DNAH12: variants seen among roughly 807,000 people sequenced by gnomAD.
The protein encoded by DNAH12 is axonemal beta dynein heavy chain 12.
In DNAH12, 285 loss-of-function variants were observed where a neutral mutation model predicts 371.5. The observed-to-expected ratio is 0.77, with a 90% CI of 0.70 to 0.85. DNAH12 has a LOEUF of 0.85. DNAH12 is among the 40% of genes least tolerant of loss of function. DNAH12 has a pLI of 0.00. For missense variants in DNAH12, 3,611 were observed against 3,689.4 expected, an observed-to-expected ratio of 0.98 and a Z score of 0.55; for synonymous variants, 1,200 against 1,213.0, an observed-to-expected ratio of 0.99 and a Z score of 0.22.
rs756054422 is a variant in DNAH12, at chr3:57,508,434, G to T, written c.649C>A (p.Leu217Ile). The T allele has an allele frequency of 6.2e-7, 1 of 1,612,228 alleles. No individual in the cohort carries two copies. Among genetic ancestry groups the T allele is most frequent in the Non-Finnish European group, 8.5e-7 (1 of 1,179,638 alleles). ...GTATCAGCAAATGTTGTATAACCAA[G>T]GTCCAGTAACATTTTCATAGTTGGA... ...IHPTMKMLLD[L>I]GYTTFADTVL... is the part of the protein sequence containing the mutation. The change falls in exon 7 of 74, where the codon CTT becomes ATT. Residue 217 changes from leucine (L) to isoleucine (I), a missense_variant. By Grantham distance (5) the Leu-to-Ile change is conservative (BLOSUM62 2). Transcript: ENST00000495027.
chr3:57,419,599 T>C, intron 36 of DNAH12, 81 bp from the exon 37 acceptor site: 1 of 1,043,942 alleles, frequency 9.6e-7, no homozygotes, highest in Non-Finnish European at 1.3e-6. Flanking sequence ...TGTATACTAT[T>C]ATATTAGCTT....
At chr3:57,479,384 A>G (rs1035261855) in intron 13 of DNAH12, among the ~76,000 whole-genome samples, 1 of 152,190 alleles carries the variant, frequency 6.6e-6, no homozygotes, top group Non-Finnish European at 1.5e-5. Flanking sequence ...TCCTAAATAT[A>G]TATGCACCCA....
chr3:57,405,685 T>C lies in DNAH12; in HGVS notation c.6544A>G (p.Ile2182Val). ...TTTTGTTTCCTCAAATGTGAAAAGA[T>C]ACTGTGAAATGATTCTTTAAAATGG... ...KDHFKESFHS[I>V]FSHLRKQNAP... The change falls in exon 41 of 74, where the codon ATC (isoleucine) becomes GTC (valine). Residue 2182 changes from isoleucine (I) to valine (V), a missense_variant. Transcript: ENST00000495027. 2 of 1,551,592 alleles carry C rather than the reference T, an allele frequency of 1.3e-6. No individual in the cohort carries two copies. The highest frequency in any genetic ancestry group is 1.7e-6 in the Non-Finnish European group (2 of 1,146,916).
chr3:57,433,256 G>A, intron 32 of DNAH12, 111 bp downstream of exon 32: 3 of 1,261,146 alleles, frequency 2.4e-6, no homozygotes, highest in Non-Finnish European at 1.0e-6. Flanking sequence ...TCAACTTGCT[G>A]CATCCTTTAT....
intron 25 of DNAH12, among the ~76,000 whole-genome samples, chr3:57,449,743 G>A (rs1049667471): frequency 6.6e-6 from 1 of 152,300 alleles, no homozygotes; most frequent in Admixed American, 6.5e-5. Context: ...ACACCTCCCT[G>A]CAAGCTGAGG....
At chr3:57,439,698 TA>T (rs1270088261) in intron 29 of DNAH12, among the ~76,000 whole-genome samples, 1 of 152,052 alleles carries the variant, frequency 6.6e-6, no homozygotes, top group Non-Finnish European at 1.5e-5. Flanking sequence ...GGGACCTATT[TA>T]AACTACAGAG....
At chr3:57,315,536 A>C (rs2061667144) in intron 65 of DNAH12, among the ~76,000 whole-genome samples, 1 of 151,872 alleles carries the variant, frequency 6.6e-6, no homozygotes, top group Non-Finnish European at 1.5e-5. Flanking sequence ...TTAAGGCAGG[A>C]ACCATCCTTA....
rs1291129529 is a variant in DNAH12, at chr3:57,508,425, T to C, written c.658A>G (p.Thr220Ala). The change falls in exon 7 of 74, where the codon ACA (threonine) becomes GCA (alanine). Residue 220 changes from threonine (T) to alanine (A), a missense_variant. By Grantham distance (58) the Thr-to-Ala change is moderately conservative. This residue lies in a region of DNAH12 where 1,314 missense variants were observed against 1,398.7 expected (regional missense o/e 0.94). Coordinates refer to ENST00000495027, the MANE Select transcript of DNAH12 (RefSeq NM_001366028.2). ...AACAAAACTGTATCAGCAAATGTTG[T>C]ATAACCAAGGTCCAGTAACATTTTC... is the stretch of plus-strand genomic sequence containing the variant. ...TMKMLLDLGY[T>A]TFADTVLLDF... 6.2e-7 allele frequency: 1 copy of C among 1,610,348 alleles called. No individual in the cohort carries two copies. Among genetic ancestry groups the C allele is most frequent in the Non-Finnish European group, 8.5e-7 (1 of 1,179,206 alleles).
In DNAH12 at chr3:57,408,302, T is replaced by C. The variant is rs1553681916; in HGVS notation, c.6254A>G (p.Gln2085Arg). The change falls in exon 40 of 74, where the codon CAG becomes CGG. Residue 2085 changes from glutamine (Q) to arginine (R), a missense_variant. Physicochemically the swap from Gln to Arg is conservative, Grantham distance 43 (BLOSUM62 1). Coordinates refer to ENST00000495027, the MANE Select transcript of DNAH12 (RefSeq NM_001366028.2). ...FPPEYFVIGN[Q>R]IVNGTMEIYK... ...GACCTCCATAGTCCCATTGACTATC[T>C]GGTTCCCAATTACAAAGTACTCTGG... is the stretch of plus-strand genomic sequence containing the variant. 2 of 1,550,638 alleles carry C rather than the reference T, an allele frequency of 1.3e-6. No individual in the cohort carries two copies. The highest frequency in any genetic ancestry group is 1.7e-6 in the Non-Finnish European group (2 of 1,146,584).
rs747074438 is a variant in DNAH12, at chr3:57,492,460, C to CAAAT, written c.1336-2777_1336-2774dup. The stretch of plus-strand genomic sequence containing the variant: ...GGGCAACAAGAGCAAAACTCCAACT[C>CAAAT]AAATAAATAAATAAATAAATAAATA... On this transcript the variant is annotated intron_variant, in intron 11 of 73. Transcript: ENST00000495027. 3.2e-3 allele frequency among the ~76,000 whole-genome samples: 479 copies of CAAAT among 151,302 alleles called. No homozygotes were observed. In the East Asian group the frequency reaches 0.04, roughly 13 times the overall value.
At chr3:57,550,680 A>AT in the DNAH12 span, among the ~76,000 whole-genome samples, 261 of 145,128 alleles carry the variant, frequency 1.8e-3, 2 homozygotes, top group Middle Eastern at 0.011. Context: ...GCCCAGCTAA[A>AT]TTTTTTTTTT....
At chr3:57,325,019 G>C (rs1044533870) in intron 62 of DNAH12, among the ~76,000 whole-genome samples, 7 of 152,232 alleles carry the variant, frequency 4.6e-5, no homozygotes, top group Non-Finnish European at 8.8e-5. Context: ...GGCTGGGGAA[G>C]GGGCGCCCGC....
At chr3:57,406,014 C>A (rs2064014358) in intron 40 of DNAH12, 62 bp from the exon 41 acceptor site, 11 of 1,438,896 alleles carry the variant, frequency 7.6e-6, no homozygotes, top group Admixed American at 2.3e-5. Flanking sequence ...AGTCATGTAA[C>A]CAGTGGAATG....
chr3:57,343,483 A>C (rs1322289871), intron 60 of DNAH12, among the ~76,000 whole-genome samples: 2 of 152,262 alleles, frequency 1.3e-5, no homozygotes, highest in African/African-American at 4.8e-5. Flanking sequence ...CTCTAGTCTC[A>C]GCAAACCAGG....
intron 2 of DNAH12, among the ~76,000 whole-genome samples, chr3:57,525,438 AG>A (rs2068612175): frequency 6.6e-6 from 1 of 152,174 alleles, no homozygotes; most frequent in Admixed American, 6.5e-5. Context: ...ATGGTACTCC[AG>A]GGGCACAGCT....
intron 43 of DNAH12, chr3:57,402,445 A>G (rs1553679261): frequency 7.7e-7 from 1 of 1,304,732 alleles, no homozygotes; most frequent in Admixed American, 2.3e-5. Flanking sequence ...GAAACTATTA[A>G]GATTACTACT....
At chr3:57,306,013 A>T (rs530045204) in intron 69 of DNAH12, among the ~76,000 whole-genome samples, 1 of 152,262 alleles carries the variant, frequency 6.6e-6, no homozygotes, top group Admixed American at 6.5e-5. Context: ...ATTCCTCATA[A>T]GCCACGTCCC....
At chr3:57,345,674 T>C (rs35933350) in intron 60 of DNAH12, among the ~76,000 whole-genome samples, 2,308 of 152,314 alleles carry the variant, frequency 0.015, 22 homozygotes, top group Non-Finnish European at 0.023. Context: ...TATGCAGTTA[T>C]GATTTGATGC....
intron 68 of DNAH12, 53 bp from the exon 69 acceptor site, chr3:57,309,307 CTTA>C: frequency 7.4e-7 from 1 of 1,356,546 alleles, no homozygotes; most frequent in Non-Finnish European, 1.0e-6. Context: ...GGATAATTAG[CTTA>C]ATTCAGCCAT....
Sources: gnomAD v4.1 joint callset for allele counts (sites outside exome capture counted in the v4.1 genomes callset) on GRCh38, gnomAD v4.1.1 for gene constraint, gnomAD v4.1.1 regional missense constraint, MANE v1.5 for transcripts, NCBI Gene and HGNC (gene_info 2026-07-23, HGNC 2026-07-21) for gene names.